Variants in CIMIP6 observed in about 807,000 individuals in gnomAD.
CIMIP6 encodes uncharacterized protein C2orf73.
chr2:54,343,767 A>C, the CIMIP6 span: 1 of 1,611,748 alleles, frequency 6.2e-7, no homozygotes, highest in Non-Finnish European at 8.5e-7. Flanking sequence ...TCTTCCTACC[A>C]CCTTACGACT....
the CIMIP6 span, among the ~76,000 whole-genome samples, chr2:54,358,675 C>G: frequency 6.6e-6 from 1 of 152,146 alleles, no homozygotes; most frequent in Non-Finnish European, 1.5e-5. Context: ...GCTGGGATTA[C>G]AGGAATGAGC....
At chr2:54,341,770 G>C in the CIMIP6 span, among the ~76,000 whole-genome samples, 3 of 152,270 alleles carry the variant, frequency 2.0e-5, no homozygotes, top group South Asian at 2.1e-4. Context: ...GAATTGTGAT[G>C]AGCTTATATA....
At chr2:54,351,666 G>A in the CIMIP6 span, among the ~76,000 whole-genome samples, 2 of 152,036 alleles carry the variant, frequency 1.3e-5, no homozygotes, top group African/African-American at 2.4e-5. Flanking sequence ...TAACTAATGG[G>A]TACTAGGCTT....
the CIMIP6 span, chr2:54,330,930 C>G: frequency 1.2e-6 from 2 of 1,601,320 alleles, no homozygotes; most frequent in African/African-American, 1.3e-5. Context: ...GGCTGCGTCC[C>G]TGTTCTTCCC....
the CIMIP6 span, among the ~76,000 whole-genome samples, chr2:54,370,220 A>ACT: frequency 6.6e-6 from 1 of 152,050 alleles, no homozygotes; most frequent in East Asian, 1.9e-4. Context: ...ATGCCACTGC[A>ACT]CTCCAGCCTG....
chr2:54,350,306 C>T, the CIMIP6 span, among the ~76,000 whole-genome samples: 1 of 152,218 alleles, frequency 6.6e-6, no homozygotes, highest in African/African-American at 2.4e-5. Flanking sequence ...TTGCTTAAAA[C>T]AACAATCATC....
At chr2:54,358,389 G>C in the CIMIP6 span, among the ~76,000 whole-genome samples, 1 of 151,904 alleles carries the variant, frequency 6.6e-6, no homozygotes, top group Admixed American at 6.6e-5. Context: ...TGTGTAAAAA[G>C]CATATCTAAC....
At chr2:54,341,849 T>G in the CIMIP6 span, among the ~76,000 whole-genome samples, 12 of 152,080 alleles carry the variant, frequency 7.9e-5, no homozygotes, top group Non-Finnish European at 1.5e-5. Context: ...TGAAGTGGAG[T>G]GGAGAAGAGC....
the CIMIP6 span, chr2:54,381,924 C>T: frequency 6.5e-7 from 1 of 1,550,370 alleles, no homozygotes; most frequent in Middle Eastern, 1.7e-4. Flanking sequence ...ACAGAGAGAT[C>T]ACGGGCATGT....
At chr2:54,369,564 T>C in the CIMIP6 span, among the ~76,000 whole-genome samples, 1 of 152,240 alleles carries the variant, frequency 6.6e-6, no homozygotes, top group African/African-American at 2.4e-5. Flanking sequence ...ACAGTTTCAT[T>C]ATCTCTTCAC....
chr2:54,335,914 C>A, the CIMIP6 span, among the ~76,000 whole-genome samples: 1 of 152,128 alleles, frequency 6.6e-6, no homozygotes, highest in Non-Finnish European at 1.5e-5. Flanking sequence ...ATCTTCAAAT[C>A]TTTCTCTGAC....
At chr2:54,334,956 AAC>A in the CIMIP6 span, 2 of 1,603,586 alleles carry the variant, frequency 1.2e-6, no homozygotes, top group Non-Finnish European at 1.7e-6. Context: ...TAAATTCATT[AAC>A]ACAAATGCAA....
the CIMIP6 span, among the ~76,000 whole-genome samples, chr2:54,356,671 C>T: frequency 6.6e-6 from 1 of 152,180 alleles, no homozygotes; most frequent in Non-Finnish European, 1.5e-5. Context: ...ACTTCACAAA[C>T]ACTGCCCTTA....
the CIMIP6 span, among the ~76,000 whole-genome samples, chr2:54,346,357 G>T: frequency 3.3e-5 from 5 of 152,102 alleles, no homozygotes; most frequent in African/African-American, 4.8e-5. Context: ...ACAAGGAATA[G>T]ATGTTTAAGG....
the CIMIP6 span, chr2:54,330,934 T>A: frequency 6.2e-7 from 1 of 1,607,394 alleles, no homozygotes; most frequent in Non-Finnish European, 8.5e-7. Flanking sequence ...GCGTCCCTGT[T>A]CTTCCCAGGA....
At chr2:54,353,476 C>A in the CIMIP6 span, among the ~76,000 whole-genome samples, 1 of 152,020 alleles carries the variant, frequency 6.6e-6, no homozygotes, top group Admixed American at 6.5e-5. Flanking sequence ...TGATAGGCTT[C>A]TGGTTTTCAT....
chr2:54,373,357 C>T, the CIMIP6 span, among the ~76,000 whole-genome samples: 1 of 151,932 alleles, frequency 6.6e-6, no homozygotes, highest in South Asian at 2.1e-4. Flanking sequence ...ATGGCTGTAA[C>T]TTCTTACTCT....
the CIMIP6 span, among the ~76,000 whole-genome samples, chr2:54,333,691 C>G: frequency 6.6e-6 from 1 of 152,040 alleles, no homozygotes; most frequent in Admixed American, 6.6e-5. Context: ...GAGTTAAAGA[C>G]CACCCTGGCC....
chr2:54,350,899 G>A, the CIMIP6 span, among the ~76,000 whole-genome samples: 7 of 152,140 alleles, frequency 4.6e-5, no homozygotes, highest in Non-Finnish European at 7.4e-5. Context: ...ACTGTCTCCT[G>A]GATTTTATTG....
Sources: allele counts gnomAD v4.1 joint callset (sites outside exome capture counted in the v4.1 genomes callset), GRCh38; gene constraint gnomAD v4.1.1; transcripts MANE v1.5; gene names NCBI Gene and HGNC (gene_info 2026-07-23, HGNC 2026-07-21).